SAMD7: variants seen among roughly 807,000 people sequenced by gnomAD.
The protein encoded by SAMD7 is sterile alpha motif domain containing 7, also known as sterile alpha motif domain-containing protein 7.
Under a neutral mutation model 36.7 loss-of-function variants are expected in SAMD7, and 34 were observed. The observed-to-expected ratio is 0.93, with a 90% CI of 0.71 to 1.23. The LOEUF (loss-of-function observed/expected upper bound fraction) is 1.23, where lower values mean the gene tolerates loss of function less well. SAMD7 is among the 50% of genes most tolerant of loss of function. The pLI, the probability that SAMD7 is intolerant of heterozygous loss-of-function variation, is 0.00. For synonymous variants in SAMD7, 188 were observed against 189.7 expected (o/e 0.99, Z 0.07); for missense variants, 570 against 546.6 (o/e 1.04, Z -0.43).
chr3:169,938,186 G>T, intron 8 of SAMD7, 132 bp from the exon 9 acceptor site: 1 of 621,594 alleles, frequency 1.6e-6, no homozygotes. Context: ...CTACAATTGT[G>T]ACCCCCACAA....
At chr3:169,926,310 C>T in intron 5 of SAMD7, 1 of 1,395,900 alleles carries the variant, frequency 7.2e-7, no homozygotes. Flanking sequence ...GCTAAATTTG[C>T]CTCGTCTGTT....
At chr3:169,916,118 T>G (rs952398381) in intron 2 of SAMD7, among the ~76,000 whole-genome samples, 1 of 152,192 alleles carries the variant, frequency 6.6e-6, no homozygotes, top group Non-Finnish European at 1.5e-5. Flanking sequence ...CATTTTGACA[T>G]GCACAATGGA....
chr3:169,936,903 A>G (rs533669408), intron 8 of SAMD7, among the ~76,000 whole-genome samples: 2 of 152,276 alleles, frequency 1.3e-5, no homozygotes, highest in East Asian at 3.9e-4. Context: ...GCATAGCAGC[A>G]CCCCACTTTA....
At chr3:169,924,999 T>C in intron 4 of SAMD7, 59 bp from the exon 5 acceptor site, 1 of 1,065,524 alleles carries the variant, frequency 9.4e-7, no homozygotes, top group Non-Finnish European at 1.4e-6. Context: ...TATTTTATTA[T>C]TTTCAAATGC....
intron 3 of SAMD7, 33 bp from the exon 4 acceptor site, chr3:169,921,181 T>A: frequency 6.2e-7 from 1 of 1,605,828 alleles, no homozygotes; most frequent in Non-Finnish European, 8.5e-7. Context: ...AACCTCATTT[T>A]ACCTATTTTA....
rs186911150 is a variant in SAMD7 at position 169,938,317 on chromosome 3, G to C, written c.1153-1G>C. The C allele has an allele frequency of 7.6e-6, 12 of 1,587,772 alleles. No individual in the cohort carries two copies. The African/African-American group carries it at 1.4e-4, about 18-fold the overall frequency. On this transcript the variant is annotated splice_acceptor_variant, in intron 8 of 8. Transcript: ENST00000335556. LOFTEE classifies it high-confidence loss of function. ...TTACTATAATTATTTTGTCTTAAAA[G>C]GTATCTCAGCATGTGGGAAGTATGT...
Position 169,925,129 on chromosome 3 carries a change from A to G in SAMD7, c.283A>G (p.Thr95Ala). ...GAATGAAATGATTCAACGGCATCAT[A>G]CTGCCAGGTAATTTGGCAATGTTGT... Reference protein sequence around the residue: ...RRNEMIQRHHTARTEMEMYAI... With the variant: ...RRNEMIQRHHAARTEMEMYAI... The change falls in exon 5 of 9, where the codon ACT (threonine) becomes GCT (alanine). Residue 95 changes from threonine to alanine, a missense_variant. Physicochemically the swap from Thr to Ala is moderately conservative, Grantham distance 58 (BLOSUM62 0). Coordinates refer to ENST00000335556, the MANE Select transcript of SAMD7 (RefSeq NM_001304366.2). 1 of 1,604,228 alleles carries G rather than the reference A, an allele frequency of 6.2e-7. No homozygotes were observed. Among genetic ancestry groups the G allele is most frequent in the South Asian group, 1.1e-5 (1 of 89,166 alleles).
intron 8 of SAMD7, 149 bp from the exon 9 acceptor site, chr3:169,938,169 C>T (rs1030313023): frequency 2.0e-5 from 12 of 598,844 alleles, no homozygotes; most frequent in Non-Finnish European, 3.6e-5. Flanking sequence ...AAAAAGCCCA[C>T]CACATCCTAC....
chr3:169,929,467 C>T (rs1713403943), intron 7 of SAMD7, among the ~76,000 whole-genome samples: 1 of 152,054 alleles, frequency 6.6e-6, no homozygotes, highest in African/African-American at 2.4e-5. Flanking sequence ...ACTGTTAACT[C>T]TTTTTCTTTT....
intron 6 of SAMD7, 123 bp downstream of exon 6, chr3:169,927,304 TTTTTTTTTG>T: frequency 1.2e-6 from 1 of 848,538 alleles, no homozygotes; most frequent in Non-Finnish European, 1.6e-6. Flanking sequence ...TTTTTTTTTT[TTTTTTTTTG>T]AGACGGAGTC....
rs145834218 is a variant in SAMD7, at chr3:169,920,548, C to T, written c.87-666C>T. On this transcript the variant is annotated intron_variant, in intron 3 of 8. Transcript: ENST00000335556. The stretch of plus-strand genomic sequence containing the variant: ...ACATGCTAATTTTTTGGTGGCGAGG[C>T]GAAACAAGTCCATAACAACTGGGTA... 1.3e-3 allele frequency among the ~76,000 whole-genome samples: 204 copies of T among 152,122 alleles called. 1 individual carries two copies. The highest frequency in any genetic ancestry group is 4.6e-3 in the African/African-American group (190 of 41,510).
intron 3 of SAMD7, 116 bp downstream of exon 3, chr3:169,919,700 G>C (rs546043498): frequency 1.1e-6 from 1 of 872,238 alleles, no homozygotes; most frequent in African/African-American, 1.6e-5. Flanking sequence ...AGTGAACTGT[G>C]GTGCAGTAAT....
At position 169,918,571 on chromosome 3, in the gene SAMD7, G is replaced by A. The variant is rs186690531; in HGVS notation, c.-41-887G>A. Among the ~76,000 whole-genome samples, 24 of 152,298 alleles carry A rather than the reference G, an allele frequency of 1.6e-4. No homozygotes were observed. The East Asian group carries it at 3.7e-3, about 23-fold the overall frequency. On this transcript the variant is annotated intron_variant, in intron 2 of 8. Coordinates refer to ENST00000335556, the MANE Select transcript of SAMD7 (RefSeq NM_001304366.2). Reference sequence around the variant, plus strand: ...GAAAAATGTTATCCCTTTAACAGTAGTCCTTTTTTCTGATCACTAGTTTCT... The same window carrying A: ...GAAAAATGTTATCCCTTTAACAGTAATCCTTTTTTCTGATCACTAGTTTCT...
At chr3:169,928,335 C>T (rs2108262864) in intron 6 of SAMD7, 122 bp from the exon 7 acceptor site, 1 of 701,144 alleles carries the variant, frequency 1.4e-6, no homozygotes, top group Non-Finnish European at 2.4e-6. Flanking sequence ...CTAGTAATTC[C>T]TAATATCTTG....
intron 2 of SAMD7, 122 bp downstream of exon 2, chr3:169,915,563 T>C (rs1180817630): frequency 1.4e-5 from 2 of 144,324 alleles, no homozygotes; most frequent in South Asian, 2.2e-4. Flanking sequence ...AGCTGAGCCA[T>C]ATATATATAA....
intron 3 of SAMD7, among the ~76,000 whole-genome samples, chr3:169,920,710 A>G (rs1374084965): frequency 6.6e-6 from 1 of 152,050 alleles, no homozygotes; most frequent in Non-Finnish European, 1.5e-5. Context: ...GAATATTTTG[A>G]CCTTCAGGAG....
intron 4 of SAMD7, among the ~76,000 whole-genome samples, chr3:169,922,154 A>G (rs998319816): frequency 2.6e-5 from 4 of 152,316 alleles, no homozygotes; most frequent in Non-Finnish European, 5.9e-5. Flanking sequence ...TGCCTAACAG[A>G]CACCCAAGCG....
chr3:169,929,755 A>G (rs1299001441), intron 7 of SAMD7, among the ~76,000 whole-genome samples: 2 of 152,240 alleles, frequency 1.3e-5, no homozygotes, highest in Non-Finnish European at 2.9e-5. Context: ...GAATTTCATC[A>G]TTATACCCAA....
intron 6 of SAMD7, among the ~76,000 whole-genome samples, chr3:169,927,538 G>T (rs192529469): frequency 1.7e-3 from 256 of 151,766 alleles, no homozygotes; most frequent in Middle Eastern, 3.4e-3. Context: ...CTCGTGATCC[G>T]CCCGCCTCGG....
Sources: gnomAD v4.1 joint callset for allele counts (sites outside exome capture counted in the v4.1 genomes callset) on GRCh38, gnomAD v4.1.1 for gene constraint, MANE v1.5 for transcripts, NCBI Gene and HGNC (gene_info 2026-07-23, HGNC 2026-07-21) for gene names.